Variants in COL11A1 observed in about 807,000 individuals in gnomAD.
COL11A1 encodes collagen type XI alpha 1 chain.
A neutral mutation model predicts 265.2 loss-of-function variants in COL11A1; 74 were observed. The ratio of observed to expected loss-of-function variants is 0.28; its 90% CI spans 0.23 to 0.34. The LOEUF (loss-of-function observed/expected upper bound fraction) is 0.34. Among genes scored for constraint, COL11A1 ranks in the 10% least tolerant of loss-of-function variants. COL11A1 has a pLI of 1.00. For synonymous variants in COL11A1, 816 were observed against 727.6 expected, an observed-to-expected ratio of 1.12 and a Z score of -1.96; for missense variants, 2,165 against 2,263.6, an observed-to-expected ratio of 0.96 and a Z score of 0.88.
chr1:103,009,366 A>T (rs116353788), intron 14 of COL11A1, among the ~76,000 whole-genome samples: 6,165 of 152,336 alleles, frequency 0.04, 182 homozygotes, highest in Non-Finnish European at 0.066. Context: ...GAGAGCCAAG[A>T]TAGCACCACT....
At chr1:103,071,615 T>C (rs1215717788) in intron 4 of COL11A1, among the ~76,000 whole-genome samples, 1 of 151,178 alleles carries the variant, frequency 6.6e-6, no homozygotes, top group South Asian at 2.1e-4. Context: ...TTTGTAAAAT[T>C]GCAGTAGGCC....
chr1:102,961,225 T>C (rs2101564921), intron 41 of COL11A1, among the ~76,000 whole-genome samples: 1 of 152,206 alleles, frequency 6.6e-6, no homozygotes, highest in Non-Finnish European at 1.5e-5. Flanking sequence ...GAAGCATACA[T>C]TCAATTGTTT....
chr1:102,917,729 G>A (rs1655508229), intron 49 of COL11A1, among the ~76,000 whole-genome samples: 1 of 151,852 alleles, frequency 6.6e-6, no homozygotes, highest in South Asian at 2.1e-4. Flanking sequence ...TGAGTGAAAT[G>A]ATATGTGGTA....
rs147014925 is a variant in COL11A1, at chr1:103,095,779, C to CA, written c.106+12293dup. ...TTGGATAGAGAGCATGGAAAGTTAA[C>CA]AAAAAAAAAAGATAGCTGAACTTCA... On this transcript the variant is annotated intron_variant, in intron 1 of 66. Coordinates refer to ENST00000370096, the MANE Select transcript of COL11A1 (RefSeq NM_001854.4). Among the ~76,000 whole-genome samples the CA allele has an allele frequency of 5.7e-3, 822 of 144,384 alleles. 8 individuals carry two copies. The highest frequency in any genetic ancestry group is 0.017 in the East Asian group (85 of 5,034). The allele number at this position is 144,384 out of a possible 152,430, so 94.7% of individuals were successfully genotyped here.
chr1:103,099,617 A>C (rs1387588334), intron 1 of COL11A1, among the ~76,000 whole-genome samples: 1 of 151,708 alleles, frequency 6.6e-6, no homozygotes, highest in African/African-American at 2.4e-5. Context: ...TCGATTTTAC[A>C]GATTGATATT....
At chr1:102,940,487 A>G in intron 42 of COL11A1, 53 bp from the exon 43 acceptor site, 1 of 1,270,890 alleles carries the variant, frequency 7.9e-7, no homozygotes, top group Non-Finnish European at 1.1e-6. Context: ...GTGCAGCTAC[A>G]AGAGTAATAA....
In COL11A1 at chr1:103,040,114, T is replaced by C. The variant is rs6691169; in HGVS notation, c.652-8870A>G. Among the ~76,000 whole-genome samples the C allele has an allele frequency of 3.5e-3, 536 of 152,170 alleles. 5 individuals carry two copies. The highest frequency in any genetic ancestry group is 0.013 in the African/African-American group (521 of 41,566). On this transcript the variant is annotated intron_variant, in intron 4 of 66. Transcript: ENST00000370096. ...CTTATTTTTAAAATACATTTTATTG[T>C]GCTAGTAAAAGATTAAAATAATTTT...
At chr1:103,025,700 A>G (rs1252333116) in intron 6 of COL11A1, 87 bp from the exon 7 acceptor site, 2 of 1,563,416 alleles carry the variant, frequency 1.3e-6, no homozygotes, top group Non-Finnish European at 1.8e-6. Flanking sequence ...TTATAGTATT[A>G]GCCAAGTGAG....
At chr1:102,955,104 G>A (rs991015822) in intron 41 of COL11A1, among the ~76,000 whole-genome samples, 6 of 152,090 alleles carry the variant, frequency 3.9e-5, no homozygotes, top group Non-Finnish European at 8.8e-5. Context: ...GGTCTACCTG[G>A]GTCACAATGG....
At position 103,065,921 on chromosome 1, in the gene COL11A1, T is replaced by G. The variant is rs1671104135; in HGVS notation, c.651+8697A>C. The stretch of plus-strand genomic sequence containing the variant: ...TCTTAATAGCAGCTAAAGTGGTACA[T>G]CAAGTACATGATAACAACAATGTGA... On this transcript the variant is annotated intron_variant, in intron 4 of 66. Transcript: ENST00000370096. 2.0e-5 allele frequency among the ~76,000 whole-genome samples: 3 copies of G among 151,844 alleles called. 1 individual carries two copies. In the South Asian group the frequency reaches 6.2e-4, roughly 31 times the overall value.
chr1:102,887,771 A>T (rs879539455), intron 62 of COL11A1, among the ~76,000 whole-genome samples: 10 of 152,190 alleles, frequency 6.6e-5, no homozygotes, highest in African/African-American at 2.4e-4. Flanking sequence ...GTGGGCCCTA[A>T]TCCAATATAA....
chr1:103,086,356 TG>T (rs1672856682), intron 1 of COL11A1, among the ~76,000 whole-genome samples: 2 of 152,128 alleles, frequency 1.3e-5, no homozygotes, highest in African/African-American at 4.8e-5. Context: ...TAATCACAAT[TG>T]GGCAGAGGTA....
At chr1:102,952,465 A>G (rs1659983749) in intron 41 of COL11A1, among the ~76,000 whole-genome samples, 1 of 152,212 alleles carries the variant, frequency 6.6e-6, no homozygotes, top group South Asian at 2.1e-4. Context: ...CATTCATAAG[A>G]TTAAATTTCA....
intron 54 of COL11A1, among the ~76,000 whole-genome samples, chr1:102,908,549 A>C (rs2376260): frequency 0.059 from 9,028 of 152,208 alleles, 334 homozygotes; most frequent in Non-Finnish European, 0.085. Context: ...GAATTCTGTT[A>C]AATGAGCTAG....
At chr1:102,993,372 T>C (rs1664322585) in intron 28 of COL11A1, among the ~76,000 whole-genome samples, 1 of 152,092 alleles carries the variant, frequency 6.6e-6, no homozygotes, top group South Asian at 2.1e-4. Context: ...TATCAAAATC[T>C]GTGGATGCTC....
intron 4 of COL11A1, among the ~76,000 whole-genome samples, chr1:103,050,274 A>G (rs966445408): frequency 6.6e-6 from 1 of 152,106 alleles, no homozygotes; most frequent in Admixed American, 6.6e-5. Context: ...ACATAGTCCC[A>G]TATTTCTTGG....
chr1:103,033,045 T>C (rs35671668), intron 4 of COL11A1, among the ~76,000 whole-genome samples: 12,304 of 152,148 alleles, frequency 0.081, 559 homozygotes, highest in Middle Eastern at 0.16. Context: ...TCCCTTTTCC[T>C]GGCCCCTTGT....
chr1:103,007,955 G>C (rs1283947051), intron 15 of COL11A1, among the ~76,000 whole-genome samples: 1 of 151,236 alleles, frequency 6.6e-6, no homozygotes, highest in East Asian at 1.9e-4. Flanking sequence ...CCAGTCTGAA[G>C]GCATGGGCCA....
chr1:102,982,862 A>G (rs1296515474), intron 31 of COL11A1, among the ~76,000 whole-genome samples: 1 of 152,086 alleles, frequency 6.6e-6, no homozygotes. Context: ...TGTGAAACTT[A>G]TGAATAGACA....
Sources: gnomAD v4.1 joint callset for allele counts (sites outside exome capture counted in the v4.1 genomes callset) on GRCh38, gnomAD v4.1.1 for gene constraint, MANE v1.5 for transcripts, NCBI Gene and HGNC (gene_info 2026-07-23, HGNC 2026-07-21) for gene names.